The following MUC12 variants were observed in gnomAD, a reference collection of about 807,000 sequenced individuals.
MUC12 encodes mucin 12, cell surface associated, also known as mucin-12.
MUC12 carries 172 observed loss-of-function variants against 230.8 expected under a neutral mutation model. That is an observed-to-expected ratio of 0.75 (90% CI 0.66 to 0.85). The LOEUF (loss-of-function observed/expected upper bound fraction) is 0.85. Ranked by LOEUF, MUC12 falls within the 40% of genes least tolerant of loss-of-function variation. The pLI, the probability that MUC12 is intolerant of heterozygous loss-of-function variation, is 0.00. For synonymous variants in MUC12, 1,259 were observed against 2,401.9 expected, an observed-to-expected ratio of 0.52 and a Z score of 13.91; for missense variants, 3,506 against 5,920.6, an observed-to-expected ratio of 0.59 and a Z score of 13.38.
chr7:101,004,848 TCAGTGGAGAACCCAC>T lies in MUC12; in HGVS notation c.14289_14303del (p.Gly4764_Ser4768del). The T allele has an allele frequency of 6.5e-7, 1 of 1,537,158 alleles. No individual in the cohort carries two copies. Among genetic ancestry groups the T allele is most frequent in the Non-Finnish European group, 8.7e-7 (1 of 1,146,518 alleles). On this transcript the variant is annotated inframe_deletion, in exon 2 of 12. Coordinates refer to ENST00000536621, the MANE Select transcript of MUC12 (RefSeq NM_001164462.2). ...CCTGCCAGCATGACAAGCTCCAGCA[TCAGTGGAGAACCCAC>T]CAGCTTGTATAGCCAAGCAGAGTCA...
intron 1 of MUC12, among the ~76,000 whole-genome samples, chr7:100,980,039 T>C (rs1449572285): frequency 6.6e-6 from 1 of 151,434 alleles, no homozygotes. Context: ...CTTTTTTTTT[T>C]TTCGTTGTTG....
rs149428414 is a variant in MUC12, at chr7:100,986,592, C to T, written c.68-4039C>T. 6.6e-5 allele frequency among the ~76,000 whole-genome samples: 10 copies of T among 152,330 alleles called. No homozygotes were observed. In the East Asian group the frequency reaches 1.9e-3, roughly 29 times the overall value. On this transcript the variant is annotated intron_variant, in intron 1 of 11. Transcript: ENST00000536621. ...TAGTGCTCTGTCTACCCCTGCACCC[C>T]GGCCTTCCGTCTTGGTCCAGCTCCT...
intron 10 of MUC12, 130 bp downstream of exon 10, chr7:101,015,821 C>G: frequency 2.6e-6 from 2 of 776,568 alleles, no homozygotes; most frequent in Non-Finnish European, 4.2e-6. Context: ...CAGCCCGTTC[C>G]CTACCTGCCG....
At position 101,004,881 on chromosome 7, in the gene MUC12, C is replaced by T. The variant is rs907087411; in HGVS notation, c.14318C>T (p.Ala4773Val). Reference sequence around the variant, plus strand: ...GAACCCACCAGCTTGTATAGCCAAGCAGAGTCAACACACACAACAGCGTTC... The same window carrying T: ...GAACCCACCAGCTTGTATAGCCAAGTAGAGTCAACACACACAACAGCGTTC... ...SGEPTSLYSQ[A>V]ESTHTTAFPA... Residue 4773 changes from alanine to valine, a missense_variant, in exon 2 of 12, where the codon GCA becomes GTA. By Grantham distance (64) the Ala-to-Val change is moderately conservative (BLOSUM62 0). Coordinates refer to ENST00000536621, the MANE Select transcript of MUC12 (RefSeq NM_001164462.2). The T allele has an allele frequency of 2.6e-6, 4 of 1,537,910 alleles. No individual in the cohort carries two copies. Among genetic ancestry groups the T allele is most frequent in the Admixed American group, 3.9e-5 (2 of 50,998 alleles).
At chr7:100,986,848 C>A (rs1425416773) in intron 1 of MUC12, among the ~76,000 whole-genome samples, 2 of 152,144 alleles carry the variant, frequency 1.3e-5, no homozygotes, top group African/African-American at 4.8e-5. Context: ...TATATGTCAT[C>A]CTGTAGAATT....
In MUC12 at chr7:101,003,383, A is replaced by G; in HGVS notation, c.12820A>G (p.Thr4274Ala). Reference sequence around the variant, plus strand: ...ATCATCCCTTGGTCCAGAATCTACTACCTTCCACAGCAGCCCAGGCTCCAC... The same window carrying G: ...ATCATCCCTTGGTCCAGAATCTACTGCCTTCCACAGCAGCCCAGGCTCCAC... Reference protein sequence around the residue: ...TASSLGPESTTFHSSPGSTET... With the variant: ...TASSLGPESTAFHSSPGSTET... Residue 4274 changes from threonine to alanine, a missense_variant, in exon 2 of 12, where the codon ACC becomes GCC. Transcript: ENST00000536621. The G allele has an allele frequency of 2.0e-6, 3 of 1,523,896 alleles. No homozygotes were observed. The highest frequency in any genetic ancestry group is 2.6e-6 in the Non-Finnish European group (3 of 1,141,772). The allele number at this position is 1,523,896 out of a possible 1,614,324, so 94.4% of individuals were successfully genotyped here. A position where few individuals can be genotyped will look rare whatever the true frequency, so the allele number is the denominator to read the frequency against.
intron 10 of MUC12, among the ~76,000 whole-genome samples, chr7:101,016,366 G>A (rs1793919634): frequency 6.6e-6 from 1 of 152,100 alleles, no homozygotes; most frequent in Non-Finnish European, 1.5e-5. Context: ...GAGTACAGTG[G>A]CACAATCTTG....
chr7:100,970,508 A>G (rs925020094), intron 1 of MUC12, among the ~76,000 whole-genome samples: 3 of 151,496 alleles, frequency 2.0e-5, no homozygotes, highest in Admixed American at 6.6e-5. Context: ...AGAGAGAGAA[A>G]GAAAGAGAGA....
At position 101,010,575 on chromosome 7, in the gene MUC12, G is replaced by A. The variant is rs528749975; in HGVS notation, c.15251+1416G>A. Among the ~76,000 whole-genome samples the A allele has an allele frequency of 7.9e-5, 12 of 152,176 alleles. No homozygotes were observed. In the East Asian group the frequency reaches 2.3e-3, roughly 29 times the overall value. On this transcript the variant is annotated intron_variant, in intron 5 of 11. Transcript: ENST00000536621. ...CTGTCGCCTGGGCTGGAGTGCCGTGGTGCAATCTCGGCTCACTGCAGCTTC... is the reference window on the plus strand; with the variant it reads ...CTGTCGCCTGGGCTGGAGTGCCGTGATGCAATCTCGGCTCACTGCAGCTTC...
intron 1 of MUC12, among the ~76,000 whole-genome samples, chr7:100,970,952 G>A (rs867028482): frequency 1.5e-4 from 23 of 151,804 alleles, no homozygotes; most frequent in Admixed American, 5.9e-4. Context: ...AGCCGAGATC[G>A]CGCCACTGCA....
intron 5 of MUC12, 74 bp downstream of exon 5, chr7:101,009,233 C>G: frequency 7.1e-7 from 1 of 1,413,158 alleles, no homozygotes. Flanking sequence ...CTCCTCCTAT[C>G]ATGAATGGCT....
intron 8 of MUC12, among the ~76,000 whole-genome samples, chr7:101,013,697 T>C (rs1197697475): frequency 6.6e-6 from 1 of 152,124 alleles, no homozygotes. Flanking sequence ...TGAGCCCTAG[T>C]CATTTGAATT....
At position 100,995,959 on chromosome 7, in the gene MUC12, C is replaced by T; in HGVS notation, c.5396C>T (p.Thr1799Ile). Residue 1799 changes from threonine (T) to isoleucine (I), a missense_variant, in exon 2 of 12, where the codon ACT (threonine) becomes ATT (isoleucine). Thr to Ile is a moderately conservative substitution (Grantham distance 89, BLOSUM62 -1). Coordinates refer to ENST00000536621, the MANE Select transcript of MUC12 (RefSeq NM_001164462.2). ...TASGRSEESR[T>I]SHSSTTHTIS... ...TCAGGTCGTAGTGAAGAATCAAGAACTTCCCACAGCAGCACAACACACACA... is the reference window on the plus strand; with the variant it reads ...TCAGGTCGTAGTGAAGAATCAAGAATTTCCCACAGCAGCACAACACACACA... The T allele has an allele frequency of 1.0e-6, 1 of 965,156 alleles. No homozygotes were observed. The highest frequency in any genetic ancestry group is 1.6e-5 in the South Asian group (1 of 62,746). The allele number at this position is 965,156 out of a possible 1,614,324, so 59.8% of individuals were successfully genotyped here.
intron 5 of MUC12, among the ~76,000 whole-genome samples, chr7:101,010,353 C>T (rs964178864): frequency 6.6e-6 from 1 of 151,866 alleles, no homozygotes; most frequent in Non-Finnish European, 1.5e-5. Flanking sequence ...TTGGGGGGAT[C>T]GGGGGCAGGG....
Position 100,995,624 on chromosome 7 carries a change from C to T in MUC12, c.5061C>T (p.Thr1687=), listed in dbSNP as rs774341530. 3.6e-5 allele frequency: 56 copies of T among 1,536,912 alleles called. No homozygotes were observed. The East Asian group carries it at 7.8e-4, about 21-fold the overall frequency. ...CTACAACACGTCAGGGAGAATCTAC[C>T]ACCTTCCAGAGCTGGCCAAGCTCAA... ...AGSTTRQGES[T]TFQSWPSSKD... is the part of the protein sequence containing the mutation. The change falls in exon 2 of 12, where the codon ACC becomes ACT. Residue 1687 remains threonine, a synonymous_variant. Coordinates refer to ENST00000536621, the MANE Select transcript of MUC12 (RefSeq NM_001164462.2).
intron 8 of MUC12, 126 bp from the exon 9 acceptor site, chr7:101,013,787 G>A: frequency 1.7e-6 from 2 of 1,163,632 alleles, no homozygotes; most frequent in South Asian, 3.6e-5. Context: ...GGCTCTCTGG[G>A]GGCTGAGCTC....
chr7:101,004,374 C>T lies in MUC12; in HGVS notation c.13811C>T (p.Ala4604Val), dbSNP rs766626107. 74 of 1,459,128 alleles carry T rather than the reference C, an allele frequency of 5.1e-5. 1 individual carries two copies. The highest frequency in any genetic ancestry group is 2.3e-4 in the Middle Eastern group (1 of 4,284). 90.4% of individuals were successfully genotyped at this position (1,459,128 alleles called of 1,614,324 possible). A position where few individuals can be genotyped will look rare whatever the true frequency, so the allele number is the denominator to read the frequency against. Residue 4604 changes from alanine (A) to valine (V), a missense_variant, in exon 2 of 12, where the codon GCG becomes GTG. Transcript: ENST00000536621. ...TTSGLVEEST[A>V]YHSSPGSTQT... The stretch of plus-strand genomic sequence containing the variant: ...TCAGGCCTCGTTGAAGAATCTACGG[C>T]GTACCACAGCAGCCCGGGCTCAACT...
chr7:100,987,651 T>C (rs142484321), intron 1 of MUC12, among the ~76,000 whole-genome samples: 163 of 152,328 alleles, frequency 1.1e-3, no homozygotes, highest in Non-Finnish European at 1.9e-3. Flanking sequence ...TGAGCTCTCA[T>C]TCTGAGTTCA....
At chr7:101,009,362 C>T (rs137962072) in intron 5 of MUC12, among the ~76,000 whole-genome samples, 94 of 152,278 alleles carry the variant, frequency 6.2e-4, no homozygotes, top group African/African-American at 2.1e-3. Flanking sequence ...GAAAGCCAGC[C>T]CCCTGCTGGG....
Sources: allele counts gnomAD v4.1 joint callset (sites outside exome capture counted in the v4.1 genomes callset), GRCh38; gene constraint gnomAD v4.1.1; transcripts MANE v1.5; gene names NCBI Gene and HGNC (gene_info 2026-07-23, HGNC 2026-07-21).